The following PPAT variants were observed in gnomAD, a reference collection of about 807,000 sequenced individuals.
PPAT encodes phosphoribosyl pyrophosphate amidotransferase.
PPAT carries 20 observed loss-of-function variants against 60.2 expected under a neutral mutation model. The observed-to-expected ratio is 0.33, with a 90% confidence interval of 0.23 to 0.48. The LOEUF (loss-of-function observed/expected upper bound fraction) is 0.48, where lower values mean the gene tolerates loss of function less well. PPAT is among the 20% of genes least tolerant of loss of function. The pLI is 0.99. For missense variants in PPAT, 349 were observed against 629.6 expected (o/e 0.55, Z 4.77); for synonymous variants, 194 against 215.1 (o/e 0.90, Z 0.86).
chr4:56,395,171 AAAT>A lies in PPAT; in HGVS notation c.*178_*180del. ...ATATTGTTGTATTATATGCAATTGG[AAAT>A]GTTCAGTTATCGCACTTTGGTATCC... On this transcript the variant is annotated 3_prime_UTR_variant, in exon 11 of 11. Transcript: ENST00000264220. The A allele has an allele frequency of 5.4e-6, 3 of 551,286 alleles. No homozygotes were observed. Among genetic ancestry groups the A allele is most frequent in the Admixed American group, 4.2e-5 (1 of 23,710 alleles). The allele number at this position is 551,286 out of a possible 1,614,324, so 34.1% of individuals were successfully genotyped here.
chr4:56,429,270 C>T (rs957643353), intron 1 of PPAT, among the ~76,000 whole-genome samples: 6 of 152,100 alleles, frequency 3.9e-5, no homozygotes, highest in South Asian at 4.2e-4. Context: ...AAAACTTGCC[C>T]GGAGTTAGGT....
chr4:56,423,750 C>A (rs1175890309), intron 1 of PPAT, among the ~76,000 whole-genome samples: 4 of 151,678 alleles, frequency 2.6e-5, no homozygotes, highest in African/African-American at 7.3e-5. Flanking sequence ...GCATAGTCAT[C>A]CTAGAGATTA....
chr4:56,407,791 T>C (rs1486431672), intron 1 of PPAT, 75 bp from the exon 2 acceptor site: 4 of 1,166,698 alleles, frequency 3.4e-6, no homozygotes, highest in East Asian at 2.3e-5. Context: ...TCAAGCATAC[T>C]TTCTCAACAA....
chr4:56,402,820 CAAAAAAA>C (rs556899549), intron 5 of PPAT, among the ~76,000 whole-genome samples: 222 of 43,906 alleles, frequency 5.1e-3, no homozygotes, highest in East Asian at 0.012. Context: ...ACTCGGTCTC[CAAAAAAA>C]AAAAAAAAAA....
intron 1 of PPAT, among the ~76,000 whole-genome samples, chr4:56,414,557 C>T (rs774463698): frequency 2.0e-5 from 3 of 152,224 alleles, no homozygotes; most frequent in Non-Finnish European, 4.4e-5. Context: ...AAGACTTTCA[C>T]TTTAAAATCT....
intron 1 of PPAT, among the ~76,000 whole-genome samples, chr4:56,408,886 ACAAT>A (rs1178125112): frequency 1.3e-5 from 2 of 152,156 alleles, no homozygotes; most frequent in Non-Finnish European, 2.9e-5. Context: ...ACCACCTATA[ACAAT>A]CAAACTGCTG....
chr4:56,397,458 A>T (rs192453103), intron 9 of PPAT, among the ~76,000 whole-genome samples: 4 of 152,318 alleles, frequency 2.6e-5, no homozygotes, highest in African/African-American at 9.6e-5. Context: ...TATCTTGGAA[A>T]CTTTCTAAAT....
chr4:56,415,676 TTATC>T (rs1233628979), intron 1 of PPAT, among the ~76,000 whole-genome samples: 4 of 152,202 alleles, frequency 2.6e-5, no homozygotes, highest in East Asian at 1.9e-4. Context: ...CATTTTCTAA[TTATC>T]TATCTCATTG....
intron 1 of PPAT, among the ~76,000 whole-genome samples, chr4:56,432,202 T>G (rs1373124364): frequency 6.6e-6 from 1 of 152,110 alleles, no homozygotes; most frequent in Non-Finnish European, 1.5e-5. Flanking sequence ...ACAAAAGTGA[T>G]AGAAATCTCA....
chr4:56,407,781 T>A (rs1716283178), intron 1 of PPAT, 65 bp from the exon 2 acceptor site: 1 of 1,253,636 alleles, frequency 8.0e-7, no homozygotes, highest in African/African-American at 1.5e-5. Context: ...AAGAACTTTA[T>A]CAAGCATACT....
At chr4:56,433,761 C>G (rs1268279113) in intron 1 of PPAT, among the ~76,000 whole-genome samples, 4 of 151,022 alleles carry the variant, frequency 2.6e-5, no homozygotes, top group Admixed American at 6.6e-5. Context: ...GTGGCGTGAT[C>G]TCTGCTCTCT....
intron 1 of PPAT, among the ~76,000 whole-genome samples, chr4:56,428,588 A>G (rs1403681310): frequency 6.6e-6 from 1 of 152,206 alleles, no homozygotes; most frequent in Non-Finnish European, 1.5e-5. Flanking sequence ...ACCAACTCTC[A>G]GAACTGCCAA....
Position 56,432,058 on chromosome 4 carries a change from C to G in PPAT, c.128+3292G>C, listed in dbSNP as rs558516505. 7.9e-5 allele frequency among the ~76,000 whole-genome samples: 12 copies of G among 152,340 alleles called. No individual in the cohort carries two copies. In the South Asian group the frequency reaches 2.5e-3, roughly 32 times the overall value. On this transcript the variant is annotated intron_variant, in intron 1 of 10. Transcript: ENST00000264220. ...TCTGGGTTAAATATCCAGTGCATGACTGGCTTAACTAATTGATACTCTATT... is the reference window on the plus strand; with the variant it reads ...TCTGGGTTAAATATCCAGTGCATGAGTGGCTTAACTAATTGATACTCTATT...
intron 1 of PPAT, among the ~76,000 whole-genome samples, chr4:56,433,854 C>G (rs1717744360): frequency 6.6e-6 from 1 of 152,150 alleles, no homozygotes; most frequent in Non-Finnish European, 1.5e-5. Context: ...ATCACCACAC[C>G]CAGCTAATTG....
chr4:56,435,523 T>C lies in PPAT; in HGVS notation c.-46A>G, dbSNP rs1274543238. On this transcript the variant is annotated 5_prime_UTR_variant, in exon 1 of 11. Transcript: ENST00000264220. Reference sequence around the variant, plus strand: ...GAAGGACCTGCCGCTGCGGCCAAGGTGTAAGCACCAACCAGCTGCCAGCTC... The same window carrying C: ...GAAGGACCTGCCGCTGCGGCCAAGGCGTAAGCACCAACCAGCTGCCAGCTC... 3 of 1,611,902 alleles carry C rather than the reference T, an allele frequency of 1.9e-6. No individual in the cohort carries two copies. Among genetic ancestry groups the C allele is most frequent in the South Asian group, 2.2e-5 (2 of 90,988 alleles).
At chr4:56,433,989 CAT>C (rs1266300554) in intron 1 of PPAT, among the ~76,000 whole-genome samples, 2 of 152,168 alleles carry the variant, frequency 1.3e-5, no homozygotes, top group African/African-American at 4.8e-5. Context: ...CGCGCCTGGC[CAT>C]AGTTTCTAAG....
intron 3 of PPAT, among the ~76,000 whole-genome samples, chr4:56,403,630 C>A (rs1212376306): frequency 1.3e-5 from 2 of 152,012 alleles, no homozygotes; most frequent in African/African-American, 4.8e-5. Flanking sequence ...ATGATTCAAG[C>A]GAATTACATT....
chr4:56,416,738 C>G (rs559439074), intron 1 of PPAT, among the ~76,000 whole-genome samples: 36 of 152,162 alleles, frequency 2.4e-4, no homozygotes, highest in Non-Finnish European at 4.0e-4. Context: ...AGTGTTGAGG[C>G]AAGGAATTAA....
intron 1 of PPAT, among the ~76,000 whole-genome samples, chr4:56,413,261 A>T (rs1245989523): frequency 3.9e-5 from 6 of 152,248 alleles, no homozygotes; most frequent in Middle Eastern, 3.4e-3. Flanking sequence ...GGTTCAAGCG[A>T]TTCTCCTGCC....
Sources: allele counts gnomAD v4.1 joint callset (sites outside exome capture counted in the v4.1 genomes callset), GRCh38; gene constraint gnomAD v4.1.1; transcripts MANE v1.5; gene names NCBI Gene and HGNC (gene_info 2026-07-23, HGNC 2026-07-21).